TMEM116: variants seen among roughly 807,000 people sequenced by gnomAD.
TMEM116 encodes transmembrane protein 116.
Under a neutral mutation model 44.3 loss-of-function variants are expected in TMEM116, and 38 were observed. The ratio of observed to expected loss-of-function variants is 0.86; its 90% CI spans 0.66 to 1.12. The LOEUF is 1.12. TMEM116 is among the 50% of genes most tolerant of loss of function. The pLI is 0.00. For synonymous variants in TMEM116, 132 were observed against 144.8 expected (o/e 0.91, Z 0.64); for missense variants, 354 against 401.7 (o/e 0.88, Z 1.01).
At chr12:111,937,490 C>T (rs770677518) in intron 6 of TMEM116, among the ~76,000 whole-genome samples, 31 of 152,274 alleles carry the variant, frequency 2.0e-4, no homozygotes, top group Non-Finnish European at 4.0e-4. Context: ...CATAGTTTCA[C>T]AGAGAATCTC....
At chr12:111,932,207 C>T (rs1004528521) in intron 10 of TMEM116, among the ~76,000 whole-genome samples, 4 of 152,078 alleles carry the variant, frequency 2.6e-5, no homozygotes, top group African/African-American at 4.8e-5. Flanking sequence ...CCCTCCTCAC[C>T]ATTCACCAAG....
chr12:111,975,569 G>A (rs1360183050), intron 4 of TMEM116, among the ~76,000 whole-genome samples: 1 of 152,150 alleles, frequency 6.6e-6, no homozygotes, highest in Non-Finnish European at 1.5e-5. Flanking sequence ...TCAAGAAACG[G>A]TTTACAGCTA....
chr12:111,965,868 G>A (rs149063520), intron 4 of TMEM116: 2,416 of 212,466 alleles, frequency 0.011, 72 homozygotes, highest in African/African-American at 0.053. Flanking sequence ...CTTGGGAGGC[G>A]GAGGTTGCAA....
chr12:112,003,308 C>T (rs550568765), intron 3 of TMEM116, among the ~76,000 whole-genome samples: 1 of 152,292 alleles, frequency 6.6e-6, no homozygotes, highest in East Asian at 1.9e-4. Context: ...GTGGCTCACG[C>T]CTGTAATCCC....
At chr12:111,986,910 C>T in intron 4 of TMEM116, among the ~76,000 whole-genome samples, 1 of 152,144 alleles carries the variant, frequency 6.6e-6, no homozygotes, top group South Asian at 2.1e-4. Context: ...ACAAATAGAT[C>T]AAAGACTTAA....
chr12:111,995,679 A>G (rs1005250684), intron 3 of TMEM116, among the ~76,000 whole-genome samples: 54 of 152,196 alleles, frequency 3.5e-4, no homozygotes, highest in African/African-American at 1.3e-3. Flanking sequence ...CGGAGGTTGC[A>G]GTGAGCCGAG....
chr12:111,989,170 A>C (rs1229008933), intron 4 of TMEM116, among the ~76,000 whole-genome samples: 2 of 152,352 alleles, frequency 1.3e-5, no homozygotes, highest in Middle Eastern at 3.4e-3. Context: ...AACTTGGAGA[A>C]GTAAACCAAA....
chr12:111,934,630 T>C (rs2071975004), intron 8 of TMEM116: 1 of 152,222 alleles, frequency 6.6e-6, no homozygotes, highest in African/African-American at 2.4e-5. Context: ...TGGTGGCATG[T>C]GCCTTTAATT....
intron 4 of TMEM116, among the ~76,000 whole-genome samples, chr12:111,989,570 C>T (rs750436558): frequency 2.0e-5 from 3 of 152,172 alleles, no homozygotes; most frequent in Non-Finnish European, 1.5e-5. Flanking sequence ...AAAATATTAA[C>T]AATCTCTAGA....
chr12:111,941,029 T>C (rs2072768467), intron 5 of TMEM116, among the ~76,000 whole-genome samples: 1 of 152,198 alleles, frequency 6.6e-6, no homozygotes, highest in African/African-American at 2.4e-5. Flanking sequence ...AAAGGATATA[T>C]AGCCACGGGT....
chr12:111,985,838 C>G (rs1230978311), intron 4 of TMEM116, among the ~76,000 whole-genome samples: 1 of 152,112 alleles, frequency 6.6e-6, no homozygotes, highest in African/African-American at 2.4e-5. Flanking sequence ...CTCATGCGAT[C>G]TGCCTGCCTC....
At chr12:111,953,685 C>T (rs896595289) in intron 4 of TMEM116, among the ~76,000 whole-genome samples, 18 of 152,184 alleles carry the variant, frequency 1.2e-4, no homozygotes, top group Non-Finnish European at 7.4e-5. Flanking sequence ...ATAACAATTA[C>T]GTAATCCTCC....
intron 4 of TMEM116, among the ~76,000 whole-genome samples, chr12:111,970,761 G>T (rs1004019461): frequency 6.6e-6 from 1 of 151,498 alleles, no homozygotes; most frequent in African/African-American, 2.4e-5. Context: ...TAATTTTTTT[G>T]TATTTTTTAG....
chr12:111,977,794 A>T (rs2075747719), intron 4 of TMEM116, among the ~76,000 whole-genome samples: 2 of 152,142 alleles, frequency 1.3e-5, no homozygotes, highest in African/African-American at 4.8e-5. Context: ...CTCTGTTACA[A>T]GGTACCTGCA....
intron 4 of TMEM116, among the ~76,000 whole-genome samples, chr12:111,963,133 A>G (rs1407439944): frequency 1.3e-5 from 2 of 152,346 alleles, no homozygotes; most frequent in East Asian, 3.9e-4. Context: ...CCCAGTTAGA[A>G]TGGGGATCAT....
intron 4 of TMEM116, among the ~76,000 whole-genome samples, chr12:111,989,690 G>A (rs1336951482): frequency 1.3e-5 from 2 of 152,134 alleles, no homozygotes; most frequent in East Asian, 1.9e-4. Flanking sequence ...CACTCTCATG[G>A]GAAAAGATAA....
rs1593690658 is a variant in TMEM116, at chr12:112,006,446, AAG to A, written c.-33-1145_-33-1144del. ...TTAGAGACAGAAGCCTGTGATGGAA[AAG>A]AGAGATTGCATATTCACTCAGTTAA... On this transcript the variant is annotated intron_variant, in intron 1 of 10. Coordinates refer to ENST00000552374, the MANE Select transcript of TMEM116 (RefSeq NM_001193531.2). Among the ~76,000 whole-genome samples, 3 of 152,354 alleles carry A rather than the reference AAG, an allele frequency of 2.0e-5. No individual in the cohort carries two copies. The East Asian group carries it at 5.8e-4, about 29-fold the overall frequency.
chr12:111,937,712 G>T (rs114961804), intron 6 of TMEM116, among the ~76,000 whole-genome samples: 2,330 of 152,250 alleles, frequency 0.015, 54 homozygotes, highest in African/African-American at 0.053. Context: ...AAGAGGAAAA[G>T]ATCCAGGAAC....
chr12:111,992,229 A>T (rs893556555), intron 3 of TMEM116, among the ~76,000 whole-genome samples: 1 of 151,912 alleles, frequency 6.6e-6, no homozygotes, highest in African/African-American at 2.4e-5. Flanking sequence ...CCACAAGGAG[A>T]CAATTGAGAG....
Sources: allele counts gnomAD v4.1 joint callset (sites outside exome capture counted in the v4.1 genomes callset), GRCh38; gene constraint gnomAD v4.1.1; transcripts MANE v1.5; gene names NCBI Gene and HGNC (gene_info 2026-07-23, HGNC 2026-07-21).